The following SEMA4D variants were observed in gnomAD, a reference collection of about 807,000 sequenced individuals.
SEMA4D encodes the protein semaphorin-4D.
SEMA4D carries 22 observed loss-of-function variants against 74.8 expected under a neutral mutation model. The observed-to-expected ratio is 0.29, with a 90% CI of 0.21 to 0.42. The LOEUF is 0.42. Ranked by LOEUF, SEMA4D falls within the 10% of genes least tolerant of loss-of-function variation. The pLI is 1.00. For synonymous variants in SEMA4D, 445 were observed against 463.7 expected (o/e 0.96, Z 0.52); for missense variants, 937 against 1,118.4 (o/e 0.84, Z 2.31).
chr9:89,484,944 G>T lies in SEMA4D; in HGVS notation c.-310+12975C>A, dbSNP rs1170511238. Among the ~76,000 whole-genome samples the T allele has an allele frequency of 6.6e-6, 1 of 151,500 alleles. No homozygotes were observed. Among genetic ancestry groups the T allele is most frequent in the African/African-American group, 2.4e-5 (1 of 41,172 alleles). ...GATGTGTATGTGTGTGTTGTTTGGT[G>T]TGTGTGTACTGGGTGGGTGGTGGAG... On this transcript the variant is annotated intron_variant, in intron 1 of 15. Coordinates refer to ENST00000422704, the MANE Select transcript of SEMA4D (RefSeq NM_001371194.2). The surrounding 1 kb of genome is among the most constrained non-coding windows in gnomAD (Gnocchi z 4.1).
rs193133385 is a variant in SEMA4D at position 89,433,525 on chromosome 9, G to A, written c.-244+22363C>T. Among the ~76,000 whole-genome samples the A allele has an allele frequency of 2.1e-3, 322 of 152,320 alleles. 1 individual carries two copies. Among genetic ancestry groups the A allele is most frequent in the African/African-American group, 6.5e-3 (272 of 41,564 alleles). On this transcript the variant is annotated intron_variant, in intron 2 of 15. Transcript: ENST00000422704. ...ACATGCTACGGCCTTCTGAGCCCAC[G>A]GTATGTGTCCTAGAGAGGGACTGTG...
chr9:89,385,865 T>TGGGGGGGGCG, intron 13 of SEMA4D: 1 of 213,330 alleles, frequency 4.7e-6, no homozygotes, highest in Non-Finnish European at 8.0e-6. Context: ...CCAGCGTGGA[T>TGGGGGGGGCG]GCCCGCCCAC....
intron 1 of SEMA4D, among the ~76,000 whole-genome samples, chr9:89,496,522 C>T (rs1826025856): frequency 6.6e-6 from 1 of 152,170 alleles, no homozygotes; most frequent in Non-Finnish European, 1.5e-5. Flanking sequence ...TATGGGAGGG[C>T]AGTCTTTGCT....
At chr9:89,485,190 G>T (rs1270161359) in intron 1 of SEMA4D, among the ~76,000 whole-genome samples, 13 of 152,128 alleles carry the variant, frequency 8.5e-5, no homozygotes, top group South Asian at 2.1e-4. Context: ...CTAGGCAATT[G>T]TAAGTCCTTG....
Position 89,434,898 on chromosome 9 carries a change from C to T in SEMA4D, c.-244+20990G>A, listed in dbSNP as rs1850064573. On this transcript the variant is annotated intron_variant, in intron 2 of 15. Coordinates refer to ENST00000422704, the MANE Select transcript of SEMA4D (RefSeq NM_001371194.2). ...CTAAAGGGGCCACTGCACCTCCCAG[C>T]CTTCTACAACATGGCCTAGTGTGGG... 2.0e-5 allele frequency among the ~76,000 whole-genome samples: 3 copies of T among 152,336 alleles called. No homozygotes were observed. In the South Asian group the frequency reaches 6.2e-4, roughly 32 times the overall value.
At chr9:89,472,366 A>C (rs1187641458) in intron 1 of SEMA4D, 2 of 391,398 alleles carry the variant, frequency 5.1e-6, no homozygotes, top group East Asian at 1.5e-4. Flanking sequence ...TGGAGACAAG[A>C]CACTTACAAG....
chr9:89,369,993 CAG>C (rs751204648), intron 16 of SEMA4D, among the ~76,000 whole-genome samples: 7 of 150,514 alleles, frequency 4.7e-5, no homozygotes, highest in East Asian at 2.0e-4. Context: ...GTGTGTGTAA[CAG>C]TGGTATGATT....
chr9:89,364,373 T>G (rs538710058), intron 16 of SEMA4D: 344 of 280,428 alleles, frequency 1.2e-3, no homozygotes, highest in African/African-American at 7.0e-3. Flanking sequence ...GGCCACAGCA[T>G]GGAGAGGCCC....
intron 2 of SEMA4D, among the ~76,000 whole-genome samples, chr9:89,445,917 G>C (rs1852714820): frequency 6.6e-6 from 1 of 152,112 alleles, no homozygotes; most frequent in Non-Finnish European, 1.5e-5. Flanking sequence ...CTCAGCTGGA[G>C]GTGCCATGCA....
rs1841053523 is a variant in SEMA4D at position 89,396,755 on chromosome 9, C to T, written c.396G>A (p.Gln132=). 6.2e-7 allele frequency: 1 copy of T among 1,613,600 alleles called. No homozygotes were observed. Residue 132 remains glutamine (Q), a synonymous_variant, in exon 6 of 16, where the codon CAG becomes CAA. Coordinates refer to ENST00000422704, the MANE Select transcript of SEMA4D (RefSeq NM_001371194.2). ...SLYVCGTNAF[Q]PACDHLNLTS... is the part of the protein sequence containing the mutation. Reference sequence around the variant, plus strand: ...GCCTTACCAGGTGGTCACAGGCCGGCTGGAATGCGTTGGTCCCACACACGT... The same window carrying T: ...GCCTTACCAGGTGGTCACAGGCCGGTTGGAATGCGTTGGTCCCACACACGT...
rs760346906 is a variant in SEMA4D at position 89,450,434 on chromosome 9, T to A, written c.-244+5454A>T. ...AAGATGAGAAGAAGGCTTGGATGGG[T>A]GTGGTGGAGTGCGCCAAACATGAAA... On this transcript the variant is annotated intron_variant, in intron 2 of 15. Transcript: ENST00000422704. 4.3e-6 allele frequency: 6 copies of A among 1,386,416 alleles called. No individual in the cohort carries two copies. The East Asian group carries it at 1.4e-4, about 32-fold the overall frequency. 85.9% of individuals were successfully genotyped at this position (1,386,416 alleles called of 1,614,324 possible). A position where few individuals can be genotyped will look rare whatever the true frequency, so the allele number is the denominator to read the frequency against.
chr9:89,363,919 C>A (rs774567151), exon 17 of SEMA4D: 1 of 1,614,038 alleles, frequency 6.2e-7, no homozygotes, highest in Non-Finnish European at 8.5e-7. Flanking sequence ...CTCGCCCATT[C>A]TTCTCCCAGA....
At chr9:89,375,703 C>T (rs569536342), downstream of SEMA4D, among the ~76,000 whole-genome samples, 1 of 152,350 alleles carries the variant, frequency 6.6e-6, no homozygotes, top group South Asian at 2.1e-4. Flanking sequence ...GCCACCAGGG[C>T]TACCACGCAC....
chr9:89,466,486 T>C (rs1858741850), intron 1 of SEMA4D, among the ~76,000 whole-genome samples: 1 of 152,102 alleles, frequency 6.6e-6, no homozygotes, highest in Non-Finnish European at 1.5e-5. Flanking sequence ...GAACACATGC[T>C]TGACTGCTCT....
In SEMA4D at chr9:89,434,039, G is replaced by A. The variant is rs189349547; in HGVS notation, c.-244+21849C>T. 1.4e-4 allele frequency among the ~76,000 whole-genome samples: 22 copies of A among 152,338 alleles called. No homozygotes were observed. In the East Asian group the frequency reaches 4.3e-3, roughly 29 times the overall value. On this transcript the variant is annotated intron_variant, in intron 2 of 15. Coordinates refer to ENST00000422704, the MANE Select transcript of SEMA4D (RefSeq NM_001371194.2). Reference sequence around the variant, plus strand: ...TGCACGGACTGCCCCGCTCTGGGGAGAGATGCTGTGACACATGGAGCACAC... The same window carrying A: ...TGCACGGACTGCCCCGCTCTGGGGAAAGATGCTGTGACACATGGAGCACAC...
intron 16 of SEMA4D, chr9:89,367,028 A>AC (rs1293502744): frequency 2.0e-5 from 3 of 152,500 alleles, no homozygotes; most frequent in African/African-American, 4.8e-5. Flanking sequence ...GCAGAAACAG[A>AC]CACGTGCTTA....
intron 1 of SEMA4D, among the ~76,000 whole-genome samples, chr9:89,457,965 G>A (rs542093677): frequency 1.1e-4 from 17 of 151,514 alleles, no homozygotes; most frequent in African/African-American, 3.9e-4. Flanking sequence ...CCCAGGAGCC[G>A]GAGGTTGCAG....
downstream of SEMA4D, among the ~76,000 whole-genome samples, chr9:89,375,806 G>C (rs1835711739): frequency 6.6e-6 from 1 of 152,184 alleles, no homozygotes; most frequent in African/African-American, 2.4e-5. Flanking sequence ...TTCCAATCCA[G>C]GGCAAATGCC....
Position 89,379,350 on chromosome 9 carries a change from A to T in SEMA4D, c.1943T>A (p.Val648Glu). Reference sequence around the variant, plus strand: ...GGGGGCCACTACGGGCTTTGGAACCACCTTCACTTCCAGGACGTGCTTGGC... The same window carrying T: ...GGGGGCCACTACGGGCTTTGGAACCTCCTTCACTTCCAGGACGTGCTTGGC... Reference protein sequence around the residue: ...VVAKHVLEVKVVPKPVVAPTL... With the variant: ...VVAKHVLEVKEVPKPVVAPTL... Residue 648 changes from valine to glutamate, a missense_variant, in exon 16 of 16, where the codon GTG (valine) becomes GAG (glutamate). Physicochemically the swap from Val to Glu is moderately radical, Grantham distance 121. Transcript: ENST00000422704. 1 of 1,614,102 alleles carries T rather than the reference A, an allele frequency of 6.2e-7. No homozygotes were observed. Among genetic ancestry groups the T allele is most frequent in the Non-Finnish European group, 8.5e-7 (1 of 1,180,016 alleles).
Sources: gnomAD v4.1 joint callset for allele counts (sites outside exome capture counted in the v4.1 genomes callset) on GRCh38, gnomAD v4.1.1 for gene constraint, Gnocchi (gnomAD v3.1) non-coding constraint, MANE v1.5 for transcripts, NCBI Gene and HGNC (gene_info 2026-07-23, HGNC 2026-07-21) for gene names.